The following PDILT variants were observed in gnomAD, a reference collection of about 807,000 sequenced individuals.
PDILT encodes the protein protein disulfide isomerase like, testis expressed, also known as protein disulfide-isomerase-like protein of the testis.
In PDILT, 43 loss-of-function variants were observed where a neutral mutation model predicts 53.7. The ratio of observed to expected loss-of-function variants is 0.80; its 90% confidence interval spans 0.63 to 1.03. The LOEUF (loss-of-function observed/expected upper bound fraction) is 1.03. Among genes scored for constraint, PDILT ranks in the 50% least tolerant of loss-of-function variants. PDILT has a pLI of 0.00. For missense variants in PDILT, 727 were observed against 712.3 expected (o/e 1.02, Z -0.24); for synonymous variants, 282 against 274.2 (o/e 1.03, Z -0.28).
chr16:20,397,598 T>C (rs1282221864), intron 2 of PDILT, among the ~76,000 whole-genome samples: 1 of 152,080 alleles, frequency 6.6e-6, no homozygotes, highest in Non-Finnish European at 1.5e-5. Flanking sequence ...TCACACTACA[T>C]TGCACTGGTT....
intron 2 of PDILT, among the ~76,000 whole-genome samples, chr16:20,394,741 G>A (rs533255101): frequency 1.1e-4 from 17 of 152,338 alleles, no homozygotes; most frequent in Non-Finnish European, 1.9e-4. Context: ...GGCCTAGCCT[G>A]ACCCAGAGGC....
rs551596902 is a variant in PDILT, at chr16:20,379,854, T to C, written c.410-3653A>G. Among the ~76,000 whole-genome samples, 6 of 152,310 alleles carry C rather than the reference T, an allele frequency of 3.9e-5. No individual in the cohort carries two copies. In the South Asian group the frequency reaches 1.2e-3, roughly 32 times the overall value. ...GAGGCATCATGCCACCCTCAGACCTTGGTACCCCACATCTGCTGTAATTCC... is the reference window on the plus strand; with the variant it reads ...GAGGCATCATGCCACCCTCAGACCTCGGTACCCCACATCTGCTGTAATTCC... On this transcript the variant is annotated intron_variant, in intron 3 of 11. Transcript: ENST00000302451.
rs755292330 is a variant in PDILT at position 20,365,463 on chromosome 16, G to A, written c.1194C>T (p.Asn398=). 2.7e-5 allele frequency: 43 copies of A among 1,613,914 alleles called. No homozygotes were observed. The highest frequency in any genetic ancestry group is 1.2e-4 in the African/African-American group (9 of 75,036). The change falls in exon 9 of 12, where the codon AAC becomes AAT. Residue 398 remains asparagine, a synonymous_variant. Coordinates refer to ENST00000302451, the MANE Select transcript of PDILT (RefSeq NM_174924.2). ...LVKQLVGKNF[N]VVVFDKEKDV... is the part of the protein sequence containing the mutation. ...CCTTTTCTTTGTCAAAGACGACTAC[G>A]TTGAAGTTCTTCCCCACGAGCTGCT...
chr16:20,368,496 T>C (rs1966250154), intron 8 of PDILT, among the ~76,000 whole-genome samples: 1 of 152,188 alleles, frequency 6.6e-6, no homozygotes, highest in Non-Finnish European at 1.5e-5. Flanking sequence ...GGGGCAGCTG[T>C]GTCTCTGGGA....
rs1966086417 is a variant in PDILT at position 20,360,612 on chromosome 16, A to G, written c.1462T>C (p.Phe488Leu). ...TTAGTTTTGATGTGGCTTTCCAGGA[A>G]GTCAGAGAAGCCCTTCAGGGTGTGT... ...GEHTLKGFSD[F>L]LESHIKTKIE... The change falls in exon 11 of 12, where the codon TTC becomes CTC. Residue 488 changes from phenylalanine to leucine, a missense_variant. Coordinates refer to ENST00000302451, the MANE Select transcript of PDILT (RefSeq NM_174924.2). 1 of 1,614,020 alleles carries G rather than the reference A, an allele frequency of 6.2e-7. No homozygotes were observed. The highest frequency in any genetic ancestry group is 1.7e-5 in the Admixed American group (1 of 60,008).
chr16:20,401,510 G>A (rs1269978769), intron 1 of PDILT, among the ~76,000 whole-genome samples: 3 of 152,178 alleles, frequency 2.0e-5, no homozygotes, highest in African/African-American at 7.2e-5. Context: ...AGGCCTGACA[G>A]TCCCTTCAAA....
chr16:20,368,852 G>A (rs1454085101), intron 8 of PDILT, among the ~76,000 whole-genome samples: 1 of 152,008 alleles, frequency 6.6e-6, no homozygotes, highest in African/African-American at 2.4e-5. Flanking sequence ...GCAAAGTGCT[G>A]GGATTACAGG....
At chr16:20,402,677 T>C (rs1966758829) in intron 1 of PDILT, among the ~76,000 whole-genome samples, 1 of 152,228 alleles carries the variant, frequency 6.6e-6, no homozygotes, top group Non-Finnish European at 1.5e-5. Flanking sequence ...AGAAGTGAAC[T>C]ACTGTATTTG....
At chr16:20,392,668 G>A (rs765730423) in intron 2 of PDILT, among the ~76,000 whole-genome samples, 1 of 152,174 alleles carries the variant, frequency 6.6e-6, no homozygotes, top group Non-Finnish European at 1.5e-5. Flanking sequence ...GAGATTAATT[G>A]AGTGTCCCTT....
chr16:20,374,647 T>C (rs1007783376), intron 5 of PDILT, among the ~76,000 whole-genome samples, 175 bp downstream of exon 5: 5 of 152,118 alleles, frequency 3.3e-5, no homozygotes, highest in Admixed American at 1.3e-4. Flanking sequence ...GAGCTTAAGA[T>C]GGTAAATGGC....
intron 9 of PDILT, among the ~76,000 whole-genome samples, chr16:20,364,640 C>T (rs1966164015): frequency 6.6e-6 from 1 of 152,192 alleles, no homozygotes; most frequent in South Asian, 2.1e-4. Flanking sequence ...TCAGTATCAC[C>T]TTTCTCTGTG....
chr16:20,362,198 G>A (rs1966113918), intron 10 of PDILT, among the ~76,000 whole-genome samples: 2 of 152,190 alleles, frequency 1.3e-5, no homozygotes, highest in Admixed American at 1.3e-4. Context: ...GGATATGCAA[G>A]CTACACCCAA....
chr16:20,361,480 G>A lies in PDILT; in HGVS notation c.1417-823C>T, dbSNP rs191324710. 2.8e-4 allele frequency among the ~76,000 whole-genome samples: 43 copies of A among 152,178 alleles called. No individual in the cohort carries two copies. In the East Asian group the frequency reaches 7.7e-3, roughly 27 times the overall value. ...TTACACGCGTTGAGACACCACGCCC[G>A]ACTCCCTTTCCTCTTTAGGAAAGTT... On this transcript the variant is annotated intron_variant, in intron 10 of 11. Coordinates refer to ENST00000302451, the MANE Select transcript of PDILT (RefSeq NM_174924.2).
At chr16:20,398,330 T>C (rs1462805118) in intron 2 of PDILT, among the ~76,000 whole-genome samples, 1 of 151,732 alleles carries the variant, frequency 6.6e-6, no homozygotes, top group East Asian at 1.9e-4. Flanking sequence ...ACAGCAAGAG[T>C]GATGGTCTCG....
intron 2 of PDILT, chr16:20,388,887 G>C (rs1966572426): frequency 6.6e-6 from 1 of 151,834 alleles, no homozygotes; most frequent in Admixed American, 6.6e-5. Context: ...ATTTCAGCCT[G>C]GGCAACAAGA....
At chr16:20,375,610 G>A (rs1460565324) in intron 4 of PDILT, among the ~76,000 whole-genome samples, 1 of 152,180 alleles carries the variant, frequency 6.6e-6, no homozygotes, top group Non-Finnish European at 1.5e-5. Context: ...AGTTACTTAT[G>A]TTCTTCCCCA....
At chr16:20,361,446 G>A (rs1234997309) in intron 10 of PDILT, among the ~76,000 whole-genome samples, 4 of 152,014 alleles carry the variant, frequency 2.6e-5, no homozygotes, top group South Asian at 2.1e-4. Flanking sequence ...GGCTCCCAAC[G>A]TAATGAGATT....
chr16:20,387,514 C>T lies in PDILT; in HGVS notation c.203-2663G>A, dbSNP rs181045078. 2.3e-3 allele frequency among the ~76,000 whole-genome samples: 348 copies of T among 152,256 alleles called. 1 individual carries two copies. The highest frequency in any genetic ancestry group is 3.4e-3 in the Middle Eastern group (1 of 294). Reference sequence around the variant, plus strand: ...GGCCAGGGGACAGGTGATGTAGGGTCTCGCAAGCCACTGAATAGACTTTGA... The same window carrying T: ...GGCCAGGGGACAGGTGATGTAGGGTTTCGCAAGCCACTGAATAGACTTTGA... On this transcript the variant is annotated intron_variant, in intron 2 of 11. Transcript: ENST00000302451.
At chr16:20,365,283 C>T (rs1306260744) in intron 9 of PDILT, 137 bp downstream of exon 9, 2 of 927,578 alleles carry the variant, frequency 2.2e-6, no homozygotes, top group Admixed American at 2.2e-5. Flanking sequence ...GAGTCAATCC[C>T]TTTGGGTATC....
Sources: allele counts gnomAD v4.1 joint callset (sites outside exome capture counted in the v4.1 genomes callset), GRCh38; gene constraint gnomAD v4.1.1; transcripts MANE v1.5; gene names NCBI Gene and HGNC (gene_info 2026-07-23, HGNC 2026-07-21).